The following MYRFL variants were observed in gnomAD, a reference collection of about 807,000 sequenced individuals.
The protein encoded by MYRFL is myelin regulatory factor-like protein.
MYRFL carries 88 observed loss-of-function variants against 109.4 expected under a neutral mutation model. The ratio of observed to expected loss-of-function variants is 0.80; its 90% CI spans 0.68 to 0.96. The LOEUF (loss-of-function observed/expected upper bound fraction) is 0.96, where lower values mean the gene tolerates loss of function less well. Ranked by LOEUF, MYRFL falls within the 40% of genes least tolerant of loss-of-function variation. The probability of loss-of-function intolerance (pLI) is 0.00; values close to 1 mark genes in which losing one functional copy is unlikely to be tolerated. For synonymous variants in MYRFL, 324 were observed against 320.9 expected (o/e 1.01, Z -0.10); for missense variants, 957 against 954.9 (o/e 1.00, Z -0.03).
chr12:69,952,806 T>A lies in MYRFL; in HGVS notation c.2295T>A (p.Asp765Glu). The change falls in exon 21 of 25, where the codon GAT becomes GAA. Residue 765 changes from aspartate (D) to glutamate (E), a missense_variant. Physicochemically the swap from Asp to Glu is conservative, Grantham distance 45. Coordinates refer to ENST00000552032, the MANE Select transcript of MYRFL (RefSeq NM_182530.3). ...SGPDWESDWIDTTISSIQIME... is the reference protein window; with the variant it reads ...SGPDWESDWIETTISSIQIME... The stretch of plus-strand genomic sequence containing the variant: ...TATTTCTTCTCAATTCAGGGATTGA[T>A]ACAACCATCAGTTCTATTCAGATTA... 1 of 1,528,686 alleles carries A rather than the reference T, an allele frequency of 6.5e-7. No homozygotes were observed. The highest frequency in any genetic ancestry group is 8.8e-7 in the Non-Finnish European group (1 of 1,142,300). The allele number at this position is 1,528,686 out of a possible 1,614,324, so 94.7% of individuals were successfully genotyped here.
At chr12:69,915,150 T>C (rs1009987266) in intron 13 of MYRFL, among the ~76,000 whole-genome samples, 3 of 152,184 alleles carry the variant, frequency 2.0e-5, no homozygotes, top group African/African-American at 7.2e-5. Context: ...TCTTTGTTAA[T>C]TGTAAAACAA....
chr12:69,958,592 G>T lies in MYRFL; in HGVS notation c.*61G>T. 1.6e-6 allele frequency: 2 copies of T among 1,223,946 alleles called. No homozygotes were observed. The highest frequency in any genetic ancestry group is 2.8e-5 in the South Asian group (2 of 71,650). The allele number at this position is 1,223,946 out of a possible 1,614,324, so 75.8% of individuals were successfully genotyped here. A position where few individuals can be genotyped will look rare whatever the true frequency, so the allele number is the denominator to read the frequency against. On this transcript the variant is annotated 3_prime_UTR_variant, in exon 25 of 25. Coordinates refer to ENST00000552032, the MANE Select transcript of MYRFL (RefSeq NM_182530.3). ...ACTCAGGAATACATTTAACAGAAAC[G>T]AACATCCTCTTGCAACTTCTTTTTT...
intron 1 of MYRFL, among the ~76,000 whole-genome samples, chr12:69,852,807 T>G (rs1172122116): frequency 6.6e-6 from 1 of 152,052 alleles, no homozygotes; most frequent in East Asian, 1.9e-4. Flanking sequence ...GCGTGCTGCC[T>G]TCAAGCATCT....
intron 19 of MYRFL, among the ~76,000 whole-genome samples, chr12:69,948,997 C>T (rs1227737152): frequency 2.0e-5 from 3 of 152,152 alleles, no homozygotes; most frequent in African/African-American, 7.2e-5. Flanking sequence ...TCCTTCCATC[C>T]TTTCACCCAT....
intron 13 of MYRFL, among the ~76,000 whole-genome samples, chr12:69,913,627 T>G (rs1954645226): frequency 6.6e-6 from 1 of 152,210 alleles, no homozygotes; most frequent in Admixed American, 6.5e-5. Flanking sequence ...TTTATTTCTG[T>G]GCTGTTTATT....
intron 19 of MYRFL, among the ~76,000 whole-genome samples, chr12:69,950,334 C>T (rs1369893105): frequency 1.3e-5 from 2 of 152,010 alleles, no homozygotes; most frequent in Non-Finnish European, 2.9e-5. Context: ...TCAATAGGGA[C>T]CAATATACAT....
rs138671705 is a variant in MYRFL at position 69,936,568 on chromosome 12, A to C, written c.2160A>C (p.Glu720Asp). 2.3e-4 allele frequency: 354 copies of C among 1,536,228 alleles called. 1 individual carries two copies. In the African/African-American group the frequency reaches 4.2e-3, roughly 18 times the overall value. ...GCTGCCCCATCCGGGGAATGAAAGA[A>C]GTCTCTTCAAGTCCTGTGCAAAGAC... ...TYCCPIRGMK[E>D]VSSSPVQRQS... The change falls in exon 19 of 25, where the codon GAA becomes GAC. Residue 720 changes from glutamate to aspartate, a missense_variant. By Grantham distance (45) the Glu-to-Asp change is conservative. Coordinates refer to ENST00000552032, the MANE Select transcript of MYRFL (RefSeq NM_182530.3).
rs1555240895 is a variant in MYRFL at position 69,854,346 on chromosome 12, G to GGAGGAA, written c.47-930_47-929insAAGAGG. ...AGAGGGAGACCGTGGAGGGGGAGGG[G>GGAGGAA]GAGGGAGAGGGAGAGGGAGAGGGAG... On this transcript the variant is annotated intron_variant, in intron 1 of 24. Coordinates refer to ENST00000552032, the MANE Select transcript of MYRFL (RefSeq NM_182530.3). Among the ~76,000 whole-genome samples the GGAGGAA allele has an allele frequency of 4.9e-3, 693 of 141,770 alleles. 8 individuals are homozygous for GGAGGAA. Among genetic ancestry groups the GGAGGAA allele is most frequent in the African/African-American group, 0.017 (646 of 38,116 alleles). 93.0% of individuals were successfully genotyped at this position (141,770 alleles called of 152,430 possible). A position where few individuals can be genotyped will look rare whatever the true frequency, so the allele number is the denominator to read the frequency against.
intron 2 of MYRFL, among the ~76,000 whole-genome samples, chr12:69,870,922 AT>A (rs920711709): frequency 1.3e-5 from 2 of 151,850 alleles, no homozygotes; most frequent in East Asian, 1.9e-4. Flanking sequence ...GCCAAGCCAT[AT>A]TTTTTTTAGT....
intron 11 of MYRFL, 113 bp from the exon 12 acceptor site, chr12:69,909,856 T>C (rs1954496447): frequency 2.6e-6 from 2 of 767,100 alleles, no homozygotes; most frequent in African/African-American, 3.6e-5. Flanking sequence ...GAAGAAATTA[T>C]CTCCAGCAAA....
At chr12:69,850,979 T>C (rs1162551652) in intron 1 of MYRFL, among the ~76,000 whole-genome samples, 1 of 152,192 alleles carries the variant, frequency 6.6e-6, no homozygotes, top group Non-Finnish European at 1.5e-5. Context: ...TACAAGATTT[T>C]GCAACCCACT....
intron 7 of MYRFL, 54 bp from the exon 8 acceptor site, chr12:69,893,710 G>T: frequency 8.8e-7 from 1 of 1,138,848 alleles, no homozygotes; most frequent in South Asian, 2.2e-5. Flanking sequence ...ATTCTTTGCT[G>T]ATTAACATTT....
At chr12:69,853,558 G>C (rs11177902) in intron 1 of MYRFL, among the ~76,000 whole-genome samples, 1 of 148,892 alleles carries the variant, frequency 6.7e-6, no homozygotes, top group Non-Finnish European at 1.5e-5. Context: ...CAGACGACGG[G>C]CGGCCAGGCA....
At chr12:69,928,182 G>A (rs1955157661) in intron 15 of MYRFL, among the ~76,000 whole-genome samples, 1 of 152,168 alleles carries the variant, frequency 6.6e-6, no homozygotes, top group South Asian at 2.1e-4. Context: ...TGGAAGAATA[G>A]GTATTCACTT....
chr12:69,844,521 A>C (rs1267600433), intron 1 of MYRFL, among the ~76,000 whole-genome samples: 1 of 152,182 alleles, frequency 6.6e-6, no homozygotes, highest in East Asian at 1.9e-4. Flanking sequence ...CCCTAAGCCC[A>C]GTGAAGCAGT....
intron 1 of MYRFL, among the ~76,000 whole-genome samples, chr12:69,838,553 C>T (rs1883077912): frequency 1.3e-5 from 2 of 152,184 alleles, no homozygotes; most frequent in South Asian, 4.1e-4. Context: ...CCTTCTATGG[C>T]TAAAGTTAAT....
chr12:69,860,781 G>A (rs574891484), intron 2 of MYRFL, among the ~76,000 whole-genome samples: 1 of 151,050 alleles, frequency 6.6e-6, no homozygotes, highest in South Asian at 2.1e-4. Flanking sequence ...GGGCACATGT[G>A]CACAATGTGC....
At chr12:69,840,055 A>G (rs1306684628) in intron 1 of MYRFL, among the ~76,000 whole-genome samples, 2 of 152,186 alleles carry the variant, frequency 1.3e-5, no homozygotes, top group Non-Finnish European at 2.9e-5. Flanking sequence ...TCATAAGCCA[A>G]ATTTCCCCAT....
intron 12 of MYRFL, among the ~76,000 whole-genome samples, 159 bp from the exon 13 acceptor site, chr12:69,910,662 A>AAAC (rs1954538069): frequency 6.6e-6 from 1 of 152,024 alleles, no homozygotes; most frequent in Non-Finnish European, 1.5e-5. Context: ...GGAAAAGAAA[A>AAAC]AACAGAAAAC....
Sources: gnomAD v4.1 joint callset for allele counts (sites outside exome capture counted in the v4.1 genomes callset) on GRCh38, gnomAD v4.1.1 for gene constraint, MANE v1.5 for transcripts, NCBI Gene and HGNC (gene_info 2026-07-23, HGNC 2026-07-21) for gene names.